Variants in UBA6 observed in about 807,000 individuals in gnomAD.
UBA6 encodes the protein ubiquitin like modifier activating enzyme 6.
UBA6 carries 87 observed loss-of-function variants against 148.3 expected under a neutral mutation model. The ratio of observed to expected loss-of-function variants is 0.59; its 90% CI spans 0.49 to 0.70. The LOEUF (loss-of-function observed/expected upper bound fraction) is 0.70, where lower values mean the gene tolerates loss of function less well. Ranked by LOEUF, UBA6 falls within the 30% of genes least tolerant of loss-of-function variation. UBA6 has a pLI of 0.00. For missense variants in UBA6, 1,186 were observed against 1,241.2 expected (o/e 0.96, Z 0.67); for synonymous variants, 376 against 401.0 (o/e 0.94, Z 0.75).
intron 14 of UBA6, among the ~76,000 whole-genome samples, chr4:67,647,860 G>A (rs1251512110): frequency 2.1e-5 from 3 of 145,788 alleles, no homozygotes; most frequent in Admixed American, 7.0e-5. Flanking sequence ...TACAACCTCC[G>A]CCTCCCAGGT....
chr4:67,644,003 G>C (rs1729364811), intron 17 of UBA6, among the ~76,000 whole-genome samples: 1 of 152,058 alleles, frequency 6.6e-6, no homozygotes, highest in Non-Finnish European at 1.5e-5. Context: ...AGTAATGTAT[G>C]ATCTTTTGAA....
chr4:67,632,870 T>A (rs549447260), intron 23 of UBA6, among the ~76,000 whole-genome samples: 1 of 151,956 alleles, frequency 6.6e-6, no homozygotes, highest in African/African-American at 2.4e-5. Context: ...GAACTTAAGA[T>A]CCTAAAGAGA....
chr4:67,700,279 T>G (rs1446465438), intron 1 of UBA6, among the ~76,000 whole-genome samples: 1 of 152,182 alleles, frequency 6.6e-6, no homozygotes, highest in Non-Finnish European at 1.5e-5. Context: ...TTACAAAGTC[T>G]CACATCAGCT....
At chr4:67,670,901 A>G (rs1332815929) in intron 7 of UBA6, among the ~76,000 whole-genome samples, 2 of 152,220 alleles carry the variant, frequency 1.3e-5, no homozygotes, top group Non-Finnish European at 2.9e-5. Context: ...TTCAAGCACA[A>G]CATAAAAGAA....
rs554875693 is a variant in UBA6 at position 67,614,587 on chromosome 4, A to C, written c.*4410T>G. 6.6e-5 allele frequency: 10 copies of C among 152,346 alleles called. No individual in the cohort carries two copies. The highest frequency in any genetic ancestry group is 3.4e-3 in the Middle Eastern group (1 of 294). The allele number at this position is 152,346 out of a possible 1,614,324, so 9.4% of individuals were successfully genotyped here. A position where few individuals can be genotyped will look rare whatever the true frequency, so the allele number is the denominator to read the frequency against. On this transcript the variant is annotated 3_prime_UTR_variant, in exon 33 of 33. Transcript: ENST00000322244. ...ACCAAATTAATTCCTCATGAAAAAA[A>C]TTTAAATATGAAAGGCAAAACTAAA...
At chr4:67,654,845 T>A (rs1047169881) in intron 13 of UBA6, among the ~76,000 whole-genome samples, 1 of 131,864 alleles carries the variant, frequency 7.6e-6, no homozygotes, top group Non-Finnish European at 1.6e-5. Flanking sequence ...GAGGAAGATC[T>A]ACCAAGCAAA....
rs116328434 is a variant in UBA6, at chr4:67,660,479, A to G, written c.1104+1710T>C. 2.8e-3 allele frequency among the ~76,000 whole-genome samples: 419 copies of G among 152,354 alleles called. 3 individuals are homozygous for G. Among genetic ancestry groups the G allele is most frequent in the African/African-American group, 9.8e-3 (407 of 41,584 alleles). ...CTCAGGCTGTTGCTTCAGAGGGGAC[A>G]AGCCCTAAGCCTTGGTGGCTTACAC... is the stretch of plus-strand genomic sequence containing the variant. On this transcript the variant is annotated intron_variant, in intron 13 of 32. Transcript: ENST00000322244.
At chr4:67,647,208 G>A (rs1451417879) in intron 14 of UBA6, among the ~76,000 whole-genome samples, 1 of 152,058 alleles carries the variant, frequency 6.6e-6, no homozygotes, top group African/African-American at 2.4e-5. Flanking sequence ...TCTTTCTGTT[G>A]CCCAGGCTGG....
rs749859252 is a variant in UBA6, at chr4:67,622,831, G to A, written c.3023C>T (p.Thr1008Ile). 8.1e-6 allele frequency: 13 copies of A among 1,604,346 alleles called. No individual in the cohort carries two copies. The highest frequency in any genetic ancestry group is 2.2e-5 in the South Asian group (2 of 89,010). Residue 1008 changes from threonine to isoleucine, a missense_variant and splice_region_variant, in exon 32 of 33, where the codon ACA becomes ATA. Coordinates refer to ENST00000322244, the MANE Select transcript of UBA6 (RefSeq NM_018227.6). ...MPGHAKRLKL[T>I]MHKLVKPTTE... is the part of the protein sequence containing the mutation. ...GCTGCATATAATGTTGAATACTTAC[G>A]TTAACTTCAATCTTTTTGCATGACC... is the stretch of plus-strand genomic sequence containing the variant.
At chr4:67,636,659 G>A (rs1332119915) in intron 19 of UBA6, among the ~76,000 whole-genome samples, 1 of 152,260 alleles carries the variant, frequency 6.6e-6, no homozygotes, top group African/African-American at 2.4e-5. Flanking sequence ...CTCCCGAAGT[G>A]CTGGGATTGC....
At chr4:67,690,141 A>C (rs1730661280) in intron 2 of UBA6, among the ~76,000 whole-genome samples, 1 of 152,024 alleles carries the variant, frequency 6.6e-6, no homozygotes, top group Non-Finnish European at 1.5e-5. Flanking sequence ...AAAGGTATAA[A>C]CTGCAATTAC....
intron 32 of UBA6, among the ~76,000 whole-genome samples, chr4:67,619,504 C>T (rs1008721831): frequency 2.4e-4 from 37 of 152,148 alleles, no homozygotes; most frequent in Non-Finnish European, 2.9e-4. Context: ...GGCGAAACCC[C>T]ATCTCTGCTA....
intron 16 of UBA6, among the ~76,000 whole-genome samples, chr4:67,645,114 GATAATACTAGATT>G (rs1729392683): frequency 6.6e-6 from 1 of 151,966 alleles, no homozygotes; most frequent in Non-Finnish European, 1.5e-5. Flanking sequence ...ATCTAAAATT[GATAATACTAGATT>G]CCATATGCAT....
At chr4:67,667,951 T>A (rs1730049240) in intron 9 of UBA6, among the ~76,000 whole-genome samples, 1 of 152,104 alleles carries the variant, frequency 6.6e-6, no homozygotes, top group Non-Finnish European at 1.5e-5. Context: ...AGAACATATA[T>A]CCCAACCAAC....
intron 16 of UBA6, 78 bp downstream of exon 16, chr4:67,645,860 C>G: frequency 1.2e-6 from 1 of 839,528 alleles, no homozygotes; most frequent in Non-Finnish European, 1.9e-6. Flanking sequence ...CACACTTAGA[C>G]TCAAATTTGT....
rs1389232410 is a variant in UBA6, at chr4:67,635,586, CAA to C, written c.1737-30_1737-29del. The C allele has an allele frequency of 2.1e-6, 3 of 1,414,802 alleles. No homozygotes were observed. The East Asian group carries it at 6.8e-5, about 32-fold the overall frequency. 87.6% of individuals were successfully genotyped at this position (1,414,802 alleles called of 1,614,324 possible). On this transcript the variant is annotated intron_variant, in intron 19 of 32. Coordinates refer to ENST00000322244, the MANE Select transcript of UBA6 (RefSeq NM_018227.6). ...ATTTGAAAAGACAGCAAGTAAAAAA[CAA>C]AAAAGTGAGCAATAACAATGTAACC... is the stretch of plus-strand genomic sequence containing the variant.
At chr4:67,684,662 T>G (rs1161910786) in intron 2 of UBA6, among the ~76,000 whole-genome samples, 1 of 151,818 alleles carries the variant, frequency 6.6e-6, no homozygotes, top group Non-Finnish European at 1.5e-5. Context: ...TAGGTTAATT[T>G]TAATAATCAT....
At chr4:67,667,214 T>A (rs1243298526) in intron 9 of UBA6, among the ~76,000 whole-genome samples, 1 of 152,174 alleles carries the variant, frequency 6.6e-6, no homozygotes, top group Non-Finnish European at 1.5e-5. Context: ...ACAGATATAT[T>A]ATTTAATATC....
In UBA6 at chr4:67,623,020, T is replaced by C. The variant is rs187448770; in HGVS notation, c.2929-95A>G. 3.4e-3 allele frequency: 4,549 copies of C among 1,354,544 alleles called. 7 individuals are homozygous for C. Among genetic ancestry groups the C allele is most frequent in the Admixed American group, 5.4e-3 (252 of 46,352 alleles). 83.9% of individuals were successfully genotyped at this position (1,354,544 alleles called of 1,614,324 possible). On this transcript the variant is annotated intron_variant, in intron 31 of 32. Transcript: ENST00000322244. The stretch of plus-strand genomic sequence containing the variant: ...TTCGTAAACAATGTTTTATGACCAG[T>C]AAAAAAAGCAAATTCATGGTAAATA...
Sources: allele counts gnomAD v4.1 joint callset (sites outside exome capture counted in the v4.1 genomes callset), GRCh38; gene constraint gnomAD v4.1.1; transcripts MANE v1.5; gene names NCBI Gene and HGNC (gene_info 2026-07-23, HGNC 2026-07-21).